The following FRMD6 variants were observed in gnomAD, a reference collection of about 807,000 sequenced individuals.
The protein encoded by FRMD6 is FERM domain containing 6.
FRMD6 carries 37 observed loss-of-function variants against 73.2 expected under a neutral mutation model. The observed-to-expected ratio is 0.51, with a 90% CI of 0.39 to 0.66. The LOEUF is 0.66. Ranked by LOEUF, FRMD6 falls within the 30% of genes least tolerant of loss-of-function variation. The pLI is 0.00. For synonymous variants in FRMD6, 273 were observed against 282.2 expected (o/e 0.97, Z 0.33); for missense variants, 714 against 780.5 (o/e 0.91, Z 1.02).
the FRMD6 span, among the ~76,000 whole-genome samples, chr14:51,424,528 A>G: frequency 6.6e-6 from 1 of 152,226 alleles, no homozygotes; most frequent in South Asian, 2.1e-4. Flanking sequence ...AGGCATTTAA[A>G]TACAACCATT....
the FRMD6 span, among the ~76,000 whole-genome samples, chr14:51,410,538 T>A: frequency 1.3e-5 from 2 of 152,250 alleles, no homozygotes; most frequent in Non-Finnish European, 2.9e-5. Flanking sequence ...AAGCCATGCA[T>A]ATTTTAAGAC....
At chr14:51,558,626 A>T (rs531061464) in intron 1 of FRMD6, among the ~76,000 whole-genome samples, 7 of 152,322 alleles carry the variant, frequency 4.6e-5, no homozygotes, top group Admixed American at 6.5e-5. Flanking sequence ...TTATATAATT[A>T]CATGCCTTTC....
chr14:51,710,133 T>G (rs1896860273), intron 7 of FRMD6, among the ~76,000 whole-genome samples: 1 of 152,196 alleles, frequency 6.6e-6, no homozygotes, highest in African/African-American at 2.4e-5. Flanking sequence ...AAACTTAATT[T>G]TCAAGTTTAC....
chr14:51,615,092 A>T (rs1890655690), intron 2 of FRMD6, among the ~76,000 whole-genome samples: 3 of 152,290 alleles, frequency 2.0e-5, no homozygotes, highest in African/African-American at 7.2e-5. Flanking sequence ...AGAGTTTAAG[A>T]GGAAAATAAA....
intron 1 of FRMD6, among the ~76,000 whole-genome samples, chr14:51,506,776 C>G (rs1883986940): frequency 6.6e-6 from 1 of 152,150 alleles, no homozygotes; most frequent in South Asian, 2.1e-4. Flanking sequence ...GCTGAAACAT[C>G]TAACTACAGG....
intron 1 of FRMD6, among the ~76,000 whole-genome samples, chr14:51,684,713 C>T (rs899781012): frequency 3.3e-5 from 5 of 152,014 alleles, no homozygotes; most frequent in African/African-American, 7.2e-5. Context: ...CTACAATGTG[C>T]AGGACAGCCC....
At chr14:51,420,761 C>T in the FRMD6 span, among the ~76,000 whole-genome samples, 12 of 151,998 alleles carry the variant, frequency 7.9e-5, no homozygotes, top group East Asian at 1.9e-4. Context: ...TATGCAAATA[C>T]GGTACCATTT....
chr14:51,418,774 G>A, the FRMD6 span, among the ~76,000 whole-genome samples: 1 of 152,262 alleles, frequency 6.6e-6, no homozygotes, highest in South Asian at 2.1e-4. Flanking sequence ...GCTATGCCCT[G>A]CTCCCAGCGG....
intron 1 of FRMD6, among the ~76,000 whole-genome samples, chr14:51,562,560 C>A (rs557729144): frequency 6.6e-6 from 1 of 152,132 alleles, no homozygotes; most frequent in Non-Finnish European, 1.5e-5. Flanking sequence ...CTAGATAAAG[C>A]TTCTCCAGTT....
chr14:51,550,742 G>A (rs1281025909), intron 1 of FRMD6, among the ~76,000 whole-genome samples: 2 of 151,974 alleles, frequency 1.3e-5, no homozygotes, highest in Middle Eastern at 3.4e-3. Flanking sequence ...TGTGATCTTG[G>A]CAATTTTCAT....
intron 2 of FRMD6, among the ~76,000 whole-genome samples, chr14:51,694,630 C>T (rs1408555175): frequency 1.3e-5 from 2 of 152,052 alleles, no homozygotes; most frequent in African/African-American, 4.8e-5. Flanking sequence ...GTTGAGGCTG[C>T]AATGAGTTGT....
intron 2 of FRMD6, among the ~76,000 whole-genome samples, chr14:51,627,735 G>T (rs1156646036): frequency 6.6e-6 from 1 of 152,170 alleles, no homozygotes; most frequent in Non-Finnish European, 1.5e-5. Context: ...TACCCGACCT[G>T]CTTCTCCCCT....
chr14:51,660,790 G>A (rs983077921), intron 1 of FRMD6, among the ~76,000 whole-genome samples: 4 of 152,070 alleles, frequency 2.6e-5, no homozygotes, highest in East Asian at 1.9e-4. Context: ...GGGACTTTGC[G>A]ATTTGGTGGA....
intron 1 of FRMD6, among the ~76,000 whole-genome samples, chr14:51,495,013 C>T (rs1047047930): frequency 1.3e-5 from 2 of 152,138 alleles, no homozygotes; most frequent in African/African-American, 4.8e-5. Flanking sequence ...ATCTTTACGT[C>T]ATTTCTCTCT....
intron 1 of FRMD6, among the ~76,000 whole-genome samples, chr14:51,674,820 A>G (rs1894271254): frequency 6.6e-6 from 1 of 152,072 alleles, no homozygotes; most frequent in Non-Finnish European, 1.5e-5. Flanking sequence ...CGAACCGAAC[A>G]ACCAGATGAT....
chr14:51,578,854 A>G (rs1417382057), intron 2 of FRMD6: 2 of 152,258 alleles, frequency 1.3e-5, no homozygotes, highest in African/African-American at 2.4e-5. Context: ...GGACCCATGC[A>G]TGGGGAATAG....
the FRMD6 span, among the ~76,000 whole-genome samples, chr14:51,448,549 C>T: frequency 5.3e-5 from 8 of 152,238 alleles, no homozygotes; most frequent in South Asian, 2.1e-4. Flanking sequence ...CTGTGTAATC[C>T]GAGGTAGAAA....
chr14:51,410,369 T>G, the FRMD6 span, among the ~76,000 whole-genome samples: 1 of 152,226 alleles, frequency 6.6e-6, no homozygotes. Flanking sequence ...GAGGCTCATT[T>G]TTCTGTCATA....
chr14:51,555,959 A>T (rs1337160760), intron 1 of FRMD6, among the ~76,000 whole-genome samples: 1 of 152,220 alleles, frequency 6.6e-6, no homozygotes, highest in Non-Finnish European at 1.5e-5. Context: ...TTGGAACAAG[A>T]GATATGCAGA....
Sources: allele counts gnomAD v4.1 joint callset (sites outside exome capture counted in the v4.1 genomes callset), GRCh38; gene constraint gnomAD v4.1.1; transcripts MANE v1.5; gene names NCBI Gene and HGNC (gene_info 2026-07-23, HGNC 2026-07-21).